Variants in POP1 observed in about 807,000 individuals in gnomAD.
POP1 encodes the protein ribonucleases P/MRP protein subunit POP1.
In POP1, 75 loss-of-function variants were observed where a neutral mutation model predicts 102.2. That is an observed-to-expected ratio of 0.73 (90% confidence interval 0.61 to 0.89). POP1 has a LOEUF of 0.89. Ranked by LOEUF, POP1 falls within the 40% of genes least tolerant of loss-of-function variation. The pLI, the probability that POP1 is intolerant of heterozygous loss-of-function variation, is 0.00. For missense variants in POP1, 1,116 were observed against 1,267.4 expected (o/e 0.88, Z 1.81); for synonymous variants, 436 against 464.1 (o/e 0.94, Z 0.78).
chr8:98,144,641 A>G (rs1451842705), intron 11 of POP1, among the ~76,000 whole-genome samples: 1 of 152,154 alleles, frequency 6.6e-6, no homozygotes, highest in East Asian at 1.9e-4. Flanking sequence ...TTACACTGTG[A>G]GTATCAACTA....
chr8:98,156,781 C>T lies in POP1; in HGVS notation c.2420+369C>T, dbSNP rs145166135. On this transcript the variant is annotated intron_variant, in intron 15 of 15. Coordinates refer to ENST00000401707, the MANE Select transcript of POP1 (RefSeq NM_001145860.2). ...ATGGATTTGTGTTAGAGCAGCAACC[C>T]ATTAGATGTAATATAGTCCTAGCCA... Among the ~76,000 whole-genome samples the T allele has an allele frequency of 4.2e-3, 640 of 152,186 alleles. 4 individuals are homozygous for T. Among genetic ancestry groups the T allele is most frequent in the African/African-American group, 0.015 (608 of 41,506 alleles).
Position 98,150,545 on chromosome 8 carries a change from A to T in POP1, c.1963A>T (p.Arg655Trp), listed in dbSNP as rs1293531027. 3 of 1,614,054 alleles carry T rather than the reference A, an allele frequency of 1.9e-6. No individual in the cohort carries two copies. Among genetic ancestry groups the T allele is most frequent in the Non-Finnish European group, 2.5e-6 (3 of 1,180,040 alleles). Reference protein sequence around the residue: ...KESAVHSQYKRSPNVPGDFPD... With the variant: ...KESAVHSQYKWSPNVPGDFPD... ...GTCTGCAGTGCATTCTCAGTATAAG[A>T]GGTCGCCTAATGTCCCAGGCGATTT... Residue 655 changes from arginine to tryptophan, a missense_variant, in exon 14 of 16, where the codon AGG becomes TGG. Transcript: ENST00000401707.
rs76979034 is a variant in POP1, at chr8:98,122,760, T to C, written c.-2-576T>C. 1.6e-3 allele frequency among the ~76,000 whole-genome samples: 243 copies of C among 152,300 alleles called. 3 individuals are homozygous for C. In the South Asian group the frequency reaches 0.023, roughly 15 times the overall value. On this transcript the variant is annotated intron_variant, in intron 1 of 15. Coordinates refer to ENST00000401707, the MANE Select transcript of POP1 (RefSeq NM_001145860.2). The stretch of plus-strand genomic sequence containing the variant: ...TATGTCTCGATATGTGTCTAATAGG[T>C]TATAACATTCATTTCATTTAAAAAT...
Position 98,148,833 on chromosome 8 carries a change from A to C in POP1, c.1729A>C (p.Ser577Arg), listed in dbSNP as rs562822658. The change falls in exon 13 of 16, where the codon AGT (serine) becomes CGT (arginine). Residue 577 changes from serine (S) to arginine (R), a missense_variant. Transcript: ENST00000401707. ...ISDQDLNRMR[S>R]ELLVPGSQLI... is the part of the protein sequence containing the mutation. ...ACTTTAGGATTTAAACCGGATGAGG[A>C]GTGAATTGCTGGTGCCTGGGTCACA... is the stretch of plus-strand genomic sequence containing the variant. 6.2e-7 allele frequency: 1 copy of C among 1,613,286 alleles called. No individual in the cohort carries two copies. The highest frequency in any genetic ancestry group is 2.2e-5 in the East Asian group (1 of 44,884).
intron 14 of POP1, among the ~76,000 whole-genome samples, chr8:98,153,531 C>CCCTTTTTTTTT (rs1430760385): frequency 9.8e-5 from 8 of 81,234 alleles, no homozygotes; most frequent in South Asian, 4.2e-4. Context: ...ACAGTTCTGA[C>CCCTTTTTTTTT]TCTTTTTTTT....
intron 2 of POP1, among the ~76,000 whole-genome samples, chr8:98,127,227 G>T (rs1563771673): frequency 6.6e-6 from 1 of 152,140 alleles, no homozygotes; most frequent in Non-Finnish European, 1.5e-5. Flanking sequence ...TCACCTCGGG[G>T]GTTAGGATTT....
chr8:98,123,524 A>G (rs764439296), intron 2 of POP1, 45 bp downstream of exon 2: 13 of 1,584,848 alleles, frequency 8.2e-6, no homozygotes, highest in Admixed American at 3.4e-5. Flanking sequence ...CACGCCTGTA[A>G]TCCCAGCACT....
intron 9 of POP1, among the ~76,000 whole-genome samples, chr8:98,138,402 T>G (rs2130606903): frequency 6.6e-6 from 1 of 152,266 alleles, no homozygotes; most frequent in South Asian, 2.1e-4. Context: ...TTGCACCTGT[T>G]TTTTCCTTCC....
chr8:98,117,976 G>T (rs574652394), intron 1 of POP1: 1 of 152,232 alleles, frequency 6.6e-6, no homozygotes, highest in South Asian at 2.1e-4. Flanking sequence ...GGCACTCATA[G>T]ATATATGAGT....
At chr8:98,146,249 G>A (rs1163372066) in intron 11 of POP1, among the ~76,000 whole-genome samples, 1 of 152,138 alleles carries the variant, frequency 6.6e-6, no homozygotes, top group Non-Finnish European at 1.5e-5. Flanking sequence ...CGTATTATTT[G>A]CCTTTGCCGT....
rs765084001 is a variant in POP1, at chr8:98,136,659, A to G, written c.1189A>G (p.Lys397Glu). 3.7e-6 allele frequency: 6 copies of G among 1,612,912 alleles called. No homozygotes were observed. Among genetic ancestry groups the G allele is most frequent in the Non-Finnish European group, 5.1e-6 (6 of 1,179,060 alleles). Residue 397 changes from lysine to glutamate, a missense_variant, in exon 8 of 16, where the codon AAA becomes GAA. Coordinates refer to ENST00000401707, the MANE Select transcript of POP1 (RefSeq NM_001145860.2). Reference sequence around the variant, plus strand: ...TGATGGAGAAAATGCTAAACCAATTAAAAAAATTATCGGTGATGGAACTAG... The same window carrying G: ...TGATGGAGAAAATGCTAAACCAATTGAAAAAATTATCGGTGATGGAACTAG... ...KDDGENAKPI[K>E]KIIGDGTRDP...
rs1326352708 is a variant in POP1, at chr8:98,159,043, T to C, written c.*772T>C. 6.6e-6 allele frequency: 1 copy of C among 152,142 alleles called. No homozygotes were observed. The highest frequency in any genetic ancestry group is 1.5e-5 in the Non-Finnish European group (1 of 68,022). 9.4% of individuals were successfully genotyped at this position (152,142 alleles called of 1,614,324 possible). A position where few individuals can be genotyped will look rare whatever the true frequency, so the allele number is the denominator to read the frequency against. On this transcript the variant is annotated 3_prime_UTR_variant, in exon 16 of 16. Transcript: ENST00000401707. ...AATATGTTCTATGATATGTGTCACC[T>C]AAAAAAGTAAGAGATTCCAAGGTCA... is the stretch of plus-strand genomic sequence containing the variant.
chr8:98,158,363 T>C lies in POP1; in HGVS notation c.*92T>C. On this transcript the variant is annotated 3_prime_UTR_variant, in exon 16 of 16. Coordinates refer to ENST00000401707, the MANE Select transcript of POP1 (RefSeq NM_001145860.2). ...GAGAATCTGCTTCTGCTTTAAAATA[T>C]CATGTGAAACTCCCTGGAAACAAGA... 1 of 1,416,192 alleles carries C rather than the reference T, an allele frequency of 7.1e-7. No homozygotes were observed. The highest frequency in any genetic ancestry group is 9.8e-7 in the Non-Finnish European group (1 of 1,016,486). 87.7% of individuals were successfully genotyped at this position (1,416,192 alleles called of 1,614,324 possible).
intron 14 of POP1, 88 bp downstream of exon 14, chr8:98,150,727 T>G: frequency 7.6e-7 from 1 of 1,317,662 alleles, no homozygotes; most frequent in Non-Finnish European, 1.1e-6. Context: ...TAGGATGGCT[T>G]TGGTAATTTC....
In POP1 at chr8:98,152,567, C is replaced by A. The variant is rs186115183; in HGVS notation, c.2057+1928C>A. Among the ~76,000 whole-genome samples the A allele has an allele frequency of 2.0e-5, 3 of 152,156 alleles. No individual in the cohort carries two copies. The South Asian group carries it at 6.2e-4, about 32-fold the overall frequency. ...TATATGGACCCTCGGATTTGAATTT[C>A]ATATAATTTTCATGTGTCGTGAAAT... On this transcript the variant is annotated intron_variant, in intron 14 of 15. Coordinates refer to ENST00000401707, the MANE Select transcript of POP1 (RefSeq NM_001145860.2).
At chr8:98,137,078 A>G (rs994426404) in intron 9 of POP1, 124 bp downstream of exon 9, 15 of 788,288 alleles carry the variant, frequency 1.9e-5, no homozygotes, top group Non-Finnish European at 2.9e-5. Context: ...TTCCCTACTT[A>G]TTATGCTTAT....
At chr8:98,140,328 A>G in intron 10 of POP1, 139 bp downstream of exon 10, 2 of 723,566 alleles carry the variant, frequency 2.8e-6, no homozygotes, top group South Asian at 3.0e-5. Context: ...TAAGAGAGGG[A>G]CTGAACTCAG....
intron 9 of POP1, among the ~76,000 whole-genome samples, chr8:98,139,867 G>A (rs1816657931): frequency 6.6e-6 from 1 of 152,204 alleles, no homozygotes; most frequent in African/African-American, 2.4e-5. Context: ...TGAGAGAAGT[G>A]TAATACTATA....
chr8:98,140,039 T>G, intron 9 of POP1, 39 bp from the exon 10 acceptor site: 1 of 1,476,482 alleles, frequency 6.8e-7, no homozygotes, highest in East Asian at 2.3e-5. Context: ...GAAGGTGGAT[T>G]CATTGTTCGT....
Sources: allele counts gnomAD v4.1 joint callset (sites outside exome capture counted in the v4.1 genomes callset), GRCh38; gene constraint gnomAD v4.1.1; transcripts MANE v1.5; gene names NCBI Gene and HGNC (gene_info 2026-07-23, HGNC 2026-07-21).